SH3RF2: variants seen among roughly 807,000 people sequenced by gnomAD.
SH3RF2 encodes the protein SH3 domain containing ring finger 2.
A neutral mutation model predicts 59.0 loss-of-function variants in SH3RF2; 43 were observed. The ratio of observed to expected loss-of-function variants is 0.73; its 90% CI spans 0.57 to 0.94. SH3RF2 has a LOEUF of 0.94. SH3RF2 is among the 40% of genes least tolerant of loss of function. The probability of loss-of-function intolerance (pLI) is 0.00; values close to 1 mark genes in which losing one functional copy is unlikely to be tolerated. For missense variants in SH3RF2, 930 were observed against 940.1 expected (o/e 0.99, Z 0.14); for synonymous variants, 391 against 391.5 (o/e 1.00, Z 0.01).
At chr5:146,057,745 G>T (rs1213413043) in intron 8 of SH3RF2, among the ~76,000 whole-genome samples, 2 of 152,018 alleles carry the variant, frequency 1.3e-5, no homozygotes, top group Non-Finnish European at 2.9e-5. Context: ...TTCAAGACCA[G>T]CCTGGGCAAT....
intron 2 of SH3RF2, among the ~76,000 whole-genome samples, chr5:145,944,202 T>C (rs1312049913): frequency 6.6e-6 from 1 of 152,176 alleles, no homozygotes. Flanking sequence ...TTTCAGATTT[T>C]AGATTTTTCA....
chr5:146,053,334 T>C (rs1449361446), intron 7 of SH3RF2, among the ~76,000 whole-genome samples: 2 of 152,116 alleles, frequency 1.3e-5, no homozygotes, highest in East Asian at 1.9e-4. Context: ...ATATAGAACA[T>C]TTGTCAAGTT....
At chr5:146,013,696 T>G (rs1332196956) in intron 4 of SH3RF2, 51 bp from the exon 5 acceptor site, 1 of 1,602,764 alleles carries the variant, frequency 6.2e-7, no homozygotes. Flanking sequence ...AACTGGCTAC[T>G]CACATTAGAT....
intron 2 of SH3RF2, among the ~76,000 whole-genome samples, chr5:145,977,347 C>T (rs939755641): frequency 5.3e-5 from 8 of 152,296 alleles, no homozygotes; most frequent in Admixed American, 2.0e-4. Flanking sequence ...ACTATTGATG[C>T]CTTGCTTACA....
intron 7 of SH3RF2, 167 bp from the exon 8 acceptor site, chr5:146,055,814 T>TTA: frequency 4.0e-6 from 3 of 743,826 alleles, no homozygotes; most frequent in Non-Finnish European, 6.5e-6. Context: ...GGGGCCAACT[T>TTA]TAGTTAAGCC....
Position 146,004,112 on chromosome 5 carries a change from T to A in SH3RF2, c.703T>A (p.Leu235Ile). The part of the protein sequence containing the change: ...RVDENWAEGK[L>I]GDKVGIFPIL... ...GGATGAGAACTGGGCAGAAGGCAAG[T>A]TAGGAGATAAAGTAGGCATCTTCCC... The change falls in exon 4 of 10, where the codon TTA becomes ATA. Residue 235 changes from leucine to isoleucine, a missense_variant. By Grantham distance (5) the Leu-to-Ile change is conservative (BLOSUM62 2). Coordinates refer to ENST00000359120, the MANE Select transcript of SH3RF2 (RefSeq NM_152550.4). The A allele has an allele frequency of 6.2e-7, 1 of 1,613,114 alleles. No homozygotes were observed. Among genetic ancestry groups the A allele is most frequent in the Non-Finnish European group, 8.5e-7 (1 of 1,179,236 alleles).
At position 146,062,715 on chromosome 5, in the gene SH3RF2, T is replaced by G. The variant is rs1762946723; in HGVS notation, c.*14T>G. On this transcript the variant is annotated 3_prime_UTR_variant, in exon 10 of 10. Coordinates refer to ENST00000359120, the MANE Select transcript of SH3RF2 (RefSeq NM_152550.4). ...CCCAGCAAATGAACCTACGGGTGGC[T>G]TTTCCTAGACCCCAAAGAGGTGAAT... 9 of 1,606,678 alleles carry G rather than the reference T, an allele frequency of 5.6e-6. No individual in the cohort carries two copies. The highest frequency in any genetic ancestry group is 7.7e-6 in the Non-Finnish European group (9 of 1,175,250).
At chr5:145,986,002 C>CAAATAAATAAATAAAT (rs5871949) in intron 2 of SH3RF2, among the ~76,000 whole-genome samples, 73 of 144,276 alleles carry the variant, frequency 5.1e-4, no homozygotes, top group East Asian at 4.6e-3. Context: ...AGACTTGTCT[C>CAAATAAATAAATAAAT]AAATAAATAA....
chr5:145,944,454 C>A (rs1031956040), intron 2 of SH3RF2, among the ~76,000 whole-genome samples: 1 of 151,526 alleles, frequency 6.6e-6, no homozygotes, highest in African/African-American at 2.4e-5. Flanking sequence ...TGGGCTCAAG[C>A]AATCCTGCCT....
downstream of SH3RF2, among the ~76,000 whole-genome samples, chr5:146,064,860 GAAAGAGAA>G (rs1312620707): frequency 1.5e-3 from 43 of 27,746 alleles, 1 homozygote; most frequent in African/African-American, 2.6e-3. Context: ...AAGAAAGAAA[GAAAGAGAA>G]AGAAAAAGAA....
intron 4 of SH3RF2, among the ~76,000 whole-genome samples, chr5:146,010,396 T>C (rs1760831042): frequency 1.3e-5 from 2 of 152,316 alleles, no homozygotes; most frequent in South Asian, 4.1e-4. Flanking sequence ...ATATACCCAG[T>C]AATGGGATGG....
intron 2 of SH3RF2, among the ~76,000 whole-genome samples, chr5:145,975,731 C>G (rs1264942301): frequency 6.6e-6 from 1 of 152,238 alleles, no homozygotes; most frequent in Admixed American, 6.5e-5. Context: ...GGACCCTTGG[C>G]AGAGAGCCAA....
intron 9 of SH3RF2, among the ~76,000 whole-genome samples, chr5:146,077,542 G>A (rs1379509630): frequency 1.3e-5 from 2 of 152,150 alleles, no homozygotes; most frequent in East Asian, 3.8e-4. Context: ...TTGAGTGTAA[G>A]TTGGAGACTA....
downstream of SH3RF2, among the ~76,000 whole-genome samples, chr5:146,064,864 G>GAAAGAAAGAAAGAAAGAAAGAA (rs59357428): frequency 8.7e-3 from 602 of 69,136 alleles, 147 homozygotes; most frequent in South Asian, 0.011. Flanking sequence ...AAGAAAGAAA[G>GAAAGAAAGAAAGAAAGAAAGAA]AGAAAGAAAA....
At chr5:146,016,936 G>T (rs1237125025) in intron 5 of SH3RF2, among the ~76,000 whole-genome samples, 3 of 152,166 alleles carry the variant, frequency 2.0e-5, no homozygotes, top group African/African-American at 7.2e-5. Context: ...GTATGGTGCT[G>T]ATGGCACCAA....
chr5:145,940,910 G>A (rs577363728), intron 2 of SH3RF2, among the ~76,000 whole-genome samples: 3 of 152,172 alleles, frequency 2.0e-5, no homozygotes, highest in South Asian at 4.1e-4. Context: ...ATTATTGACT[G>A]TTTATTGTGC....
intron 3 of SH3RF2, among the ~76,000 whole-genome samples, chr5:146,003,792 G>A (rs1017300632): frequency 1.3e-5 from 2 of 152,166 alleles, no homozygotes; most frequent in Non-Finnish European, 2.9e-5. Context: ...GACCCTGCTG[G>A]TGATTAAAAA....
At chr5:146,037,960 G>T (rs1365700201) in intron 5 of SH3RF2, among the ~76,000 whole-genome samples, 1 of 152,144 alleles carries the variant, frequency 6.6e-6, no homozygotes, top group Non-Finnish European at 1.5e-5. Context: ...ACCCAGAAAT[G>T]CAGGGAAATG....
intron 4 of SH3RF2, among the ~76,000 whole-genome samples, chr5:146,010,105 A>C (rs1246807454): frequency 6.7e-5 from 10 of 148,562 alleles, no homozygotes; most frequent in African/African-American, 2.5e-4. Flanking sequence ...TTCAATTCCC[A>C]CCTATGAGTG....
Sources: allele counts gnomAD v4.1 joint callset (sites outside exome capture counted in the v4.1 genomes callset), GRCh38; gene constraint gnomAD v4.1.1; transcripts MANE v1.5; gene names NCBI Gene and HGNC (gene_info 2026-07-23, HGNC 2026-07-21).